The following BMAL2 variants were observed in gnomAD, a reference collection of about 807,000 sequenced individuals.
BMAL2 encodes basic helix-loop-helix ARNT-like protein 2.
the BMAL2 span, among the ~76,000 whole-genome samples, chr12:27,346,388 G>A: frequency 6.6e-6 from 1 of 152,160 alleles, no homozygotes; most frequent in Admixed American, 6.5e-5. Context: ...AGCCTCCTGA[G>A]TAGCTGGGAC....
At chr12:27,350,742 C>T in the BMAL2 span, among the ~76,000 whole-genome samples, 1 of 147,458 alleles carries the variant, frequency 6.8e-6, no homozygotes, top group East Asian at 2.0e-4. Context: ...TGCAGTGGCT[C>T]AGTCTCAGCT....
the BMAL2 span, among the ~76,000 whole-genome samples, chr12:27,419,857 CTACT>C: frequency 1.3e-5 from 2 of 152,080 alleles, no homozygotes; most frequent in South Asian, 2.1e-4. Flanking sequence ...TCCATGGTTC[CTACT>C]TACTTCCTTT....
chr12:27,338,305 T>C, the BMAL2 span, among the ~76,000 whole-genome samples: 2 of 152,080 alleles, frequency 1.3e-5, no homozygotes, highest in Admixed American at 6.6e-5. Flanking sequence ...ATTTGTAATA[T>C]AAGGTAGGCA....
chr12:27,420,429 G>C, the BMAL2 span: 1 of 1,613,986 alleles, frequency 6.2e-7, no homozygotes, highest in South Asian at 1.1e-5. Context: ...GATGCCCTAT[G>C]TGACAATGAT....
chr12:27,420,483 G>A, the BMAL2 span: 1 of 1,613,424 alleles, frequency 6.2e-7, no homozygotes, highest in East Asian at 2.2e-5. Context: ...GAAGCAGAGG[G>A]GGGCCTGGGA....
chr12:27,411,571 A>G, the BMAL2 span, among the ~76,000 whole-genome samples: 2 of 152,196 alleles, frequency 1.3e-5, no homozygotes, highest in South Asian at 4.1e-4. Context: ...TGAGCTAGTC[A>G]TTATCATTTT....
the BMAL2 span, among the ~76,000 whole-genome samples, chr12:27,385,997 C>T: frequency 6.6e-6 from 1 of 152,084 alleles, no homozygotes; most frequent in African/African-American, 2.4e-5. Context: ...TTCAGATTCA[C>T]CGGTCTAGAG....
At chr12:27,371,006 CAG>C in the BMAL2 span, among the ~76,000 whole-genome samples, 1 of 152,258 alleles carries the variant, frequency 6.6e-6, no homozygotes, top group African/African-American at 2.4e-5. Flanking sequence ...CTAGGAGAGA[CAG>C]AGACACAAAG....
the BMAL2 span, chr12:27,380,177 G>A: frequency 6.7e-7 from 1 of 1,489,870 alleles, no homozygotes; most frequent in Non-Finnish European, 9.2e-7. Flanking sequence ...ATCTGCTCCA[G>A]TGAGCAACAC....
At chr12:27,349,179 G>A in the BMAL2 span, among the ~76,000 whole-genome samples, 2 of 152,200 alleles carry the variant, frequency 1.3e-5, no homozygotes, top group African/African-American at 4.8e-5. Context: ...CATGGGATGA[G>A]GCTGATGGGG....
At chr12:27,411,318 A>T in the BMAL2 span, among the ~76,000 whole-genome samples, 1 of 152,066 alleles carries the variant, frequency 6.6e-6, no homozygotes, top group Non-Finnish European at 1.5e-5. Flanking sequence ...TTTAAAAAAA[A>T]TAATAACACA....
the BMAL2 span, among the ~76,000 whole-genome samples, chr12:27,334,629 A>T: frequency 6.6e-6 from 1 of 152,262 alleles, no homozygotes; most frequent in Admixed American, 6.5e-5. Flanking sequence ...AAGTCTTACG[A>T]ACTTACAACA....
chr12:27,401,713 C>G, the BMAL2 span: 1 of 1,418,688 alleles, frequency 7.0e-7, no homozygotes, highest in Non-Finnish European at 9.6e-7. Flanking sequence ...ATATTGATTT[C>G]AAATGAGTCT....
the BMAL2 span, chr12:27,389,905 A>C: frequency 8.8e-5 from 43 of 489,356 alleles, no homozygotes; most frequent in Non-Finnish European, 1.3e-4. Flanking sequence ...AAGTTATCAA[A>C]ATGTGATTGC....
chr12:27,368,313 G>A, the BMAL2 span: 97 of 1,613,964 alleles, frequency 6.0e-5, 2 homozygotes, highest in Admixed American at 4.0e-4. Flanking sequence ...GTTTCCAGCC[G>A]CGTGAGTCCA....
chr12:27,370,979 A>G, the BMAL2 span, among the ~76,000 whole-genome samples: 2 of 152,220 alleles, frequency 1.3e-5, no homozygotes, highest in African/African-American at 4.8e-5. Context: ...GGTTGCTACT[A>G]TGTGACAGTT....
At chr12:27,384,102 TA>T in the BMAL2 span, among the ~76,000 whole-genome samples, 150 of 152,266 alleles carry the variant, frequency 9.9e-4, 1 homozygote, top group African/African-American at 2.8e-3. Flanking sequence ...TTGGGGAATA[TA>T]AGGAAGGGAA....
the BMAL2 span, among the ~76,000 whole-genome samples, chr12:27,413,628 A>C: frequency 6.6e-6 from 1 of 152,222 alleles, no homozygotes; most frequent in Admixed American, 6.5e-5. Context: ...AACAATGAAC[A>C]ATATAGCCTA....
the BMAL2 span, among the ~76,000 whole-genome samples, chr12:27,361,322 T>A: frequency 1.3e-5 from 2 of 152,354 alleles, no homozygotes; most frequent in South Asian, 4.1e-4. Flanking sequence ...CAAGATTGAT[T>A]ATCATCACCA....
Sources: gnomAD v4.1 joint callset for allele counts (sites outside exome capture counted in the v4.1 genomes callset) on GRCh38, gnomAD v4.1.1 for gene constraint, MANE v1.5 for transcripts, NCBI Gene and HGNC (gene_info 2026-07-23, HGNC 2026-07-21) for gene names.